Variants in QPRT observed in about 807,000 individuals in gnomAD.
The protein encoded by QPRT is quinolinate phosphoribosyltransferase, also known as nicotinate-nucleotide pyrophosphorylase [carboxylating].
In QPRT, 17 loss-of-function variants were observed where a neutral mutation model predicts 19.8. The observed-to-expected ratio is 0.86, with a 90% CI of 0.59 to 1.29. QPRT has a LOEUF of 1.29. Among genes scored for constraint, QPRT ranks in the 50% most tolerant of loss-of-function variants. QPRT has a pLI of 0.00. For synonymous variants in QPRT, 178 were observed against 191.0 expected (o/e 0.93, Z 0.56); for missense variants, 336 against 405.1 (o/e 0.83, Z 1.46).
At chr16:29,690,494 C>A (rs1485865878) in intron 1 of QPRT, among the ~76,000 whole-genome samples, 1 of 151,902 alleles carries the variant, frequency 6.6e-6, no homozygotes, top group African/African-American at 2.4e-5. Context: ...ATAAGTGATC[C>A]TTTTTCTTTG....
intron 1 of QPRT, among the ~76,000 whole-genome samples, chr16:29,688,230 C>T (rs1202160126): frequency 1.3e-5 from 2 of 151,980 alleles, no homozygotes; most frequent in Non-Finnish European, 2.9e-5. Context: ...TGGGGGTATT[C>T]TGACAAGACC....
chr16:29,681,571 G>A lies in QPRT; in HGVS notation c.13+2361G>A, dbSNP rs1002095962. Among the ~76,000 whole-genome samples the A allele has an allele frequency of 6.6e-5, 9 of 137,388 alleles. No individual in the cohort carries two copies. In the East Asian group the frequency reaches 8.6e-4, roughly 13 times the overall value. The allele number at this position is 137,388 out of a possible 152,430, so 90.1% of individuals were successfully genotyped here. On this transcript the variant is annotated intron_variant, in intron 1 of 3. Transcript: ENST00000395384. Reference sequence around the variant, plus strand: ...GAGTGCAGTGGCATGATCTTGGCTCGCTGCAACCTCTGCCTCCCGGGTTCA... The same window carrying A: ...GAGTGCAGTGGCATGATCTTGGCTCACTGCAACCTCTGCCTCCCGGGTTCA...
intron 1 of QPRT, among the ~76,000 whole-genome samples, chr16:29,687,832 TAA>T (rs34996194): frequency 0.016 from 2,427 of 147,602 alleles, 73 homozygotes; most frequent in African/African-American, 0.055. Context: ...CTGTCTCTAT[TAA>T]AAAAAAAAAA....
At position 29,697,102 on chromosome 16, in the gene QPRT, T is replaced by C. The variant is rs1967564716; in HGVS notation, c.656T>C (p.Val219Ala). The C allele has an allele frequency of 6.2e-7, 1 of 1,609,736 alleles. No individual in the cohort carries two copies. The highest frequency in any genetic ancestry group is 8.5e-7 in the Non-Finnish European group (1 of 1,177,544). Residue 219 changes from valine to alanine, a missense_variant, in exon 3 of 4, where the codon GTC becomes GCC. Coordinates refer to ENST00000395384, the MANE Select transcript of QPRT (RefSeq NM_014298.6). The surrounding 1 kb of genome is among the most constrained non-coding windows in gnomAD (Gnocchi z 4.4). Reference sequence around the variant, plus strand: ...GCAGCTGAGGCTGGTGCCGACCTTGTCCTGCTGGACAACTTCAAGCCAGAG... The same window carrying C: ...GCAGCTGAGGCTGGTGCCGACCTTGCCCTGCTGGACAACTTCAAGCCAGAG... ...VQAAEAGADL[V>A]LLDNFKPEEL...
rs532397856 is a variant in QPRT at position 29,690,238 on chromosome 16, C to T, written c.14-4426C>T. Among the ~76,000 whole-genome samples, 75 of 152,332 alleles carry T rather than the reference C, an allele frequency of 4.9e-4. 1 individual carries two copies. In the South Asian group the frequency reaches 0.015, roughly 30 times the overall value. On this transcript the variant is annotated intron_variant, in intron 1 of 3. Coordinates refer to ENST00000395384, the MANE Select transcript of QPRT (RefSeq NM_014298.6). The stretch of plus-strand genomic sequence containing the variant: ...TTTTTTGTGGCTGCATAGTATTCCA[C>T]GGTGTATGTGTACCACACTTTCTTT...
Position 29,697,531 on chromosome 16 carries a change from A to C in QPRT, c.*120A>C. ...CACATTTGGCACTAGCTTGAGCCCA[A>C]CTCTGGCTCTGCCACCTGCTGCTCC... On this transcript the variant is annotated 3_prime_UTR_variant, in exon 4 of 4. Coordinates refer to ENST00000395384, the MANE Select transcript of QPRT (RefSeq NM_014298.6). This position sits in a 1 kb window ranked among gnomAD's most constrained non-coding sequence, Gnocchi z 4.4. 1.9e-6 allele frequency: 2 copies of C among 1,047,210 alleles called. No homozygotes were observed. Among genetic ancestry groups the C allele is most frequent in the East Asian group, 2.7e-5 (1 of 37,704 alleles). 64.9% of individuals were successfully genotyped at this position (1,047,210 alleles called of 1,614,324 possible).
At chr16:29,689,488 G>C (rs1385263425) in intron 1 of QPRT, among the ~76,000 whole-genome samples, 1 of 152,088 alleles carries the variant, frequency 6.6e-6, no homozygotes, top group Admixed American at 6.6e-5. Flanking sequence ...TAGTCACCCA[G>C]GTATTAAGTT....
chr16:29,688,018 T>C (rs931401987), intron 1 of QPRT, among the ~76,000 whole-genome samples: 5 of 151,986 alleles, frequency 3.3e-5, no homozygotes, highest in Admixed American at 3.3e-4. Flanking sequence ...GAAAGGTCAG[T>C]TTTCAGCAGG....
chr16:29,683,888 C>T (rs1214591409), intron 1 of QPRT, among the ~76,000 whole-genome samples: 4 of 152,284 alleles, frequency 2.6e-5, no homozygotes, highest in East Asian at 1.9e-4. Flanking sequence ...CACCAACACC[C>T]CCACTTCCCT....
chr16:29,690,114 G>A (rs1967282404), intron 1 of QPRT, among the ~76,000 whole-genome samples: 1 of 151,314 alleles, frequency 6.6e-6, no homozygotes, highest in African/African-American at 2.5e-5. Context: ...ACTTATAAGT[G>A]AGAACACGCG....
At chr16:29,686,307 AG>A (rs1211892135) in intron 1 of QPRT, among the ~76,000 whole-genome samples, 2 of 152,098 alleles carry the variant, frequency 1.3e-5, no homozygotes, top group Non-Finnish European at 2.9e-5. Context: ...GCAGGTGAAC[AG>A]ATCAGTTTTC....
At chr16:29,684,536 A>G (rs931692097) in intron 1 of QPRT, among the ~76,000 whole-genome samples, 1 of 151,724 alleles carries the variant, frequency 6.6e-6, no homozygotes, top group Non-Finnish European at 1.5e-5. Flanking sequence ...TTTAGTAGAG[A>G]CGGGGTTTCA....
chr16:29,696,867 C>T (rs1567333516), intron 2 of QPRT, 129 bp from the exon 3 acceptor site: 1 of 1,112,914 alleles, frequency 9.0e-7, no homozygotes, highest in Non-Finnish European at 1.2e-6. Context: ...TTTCAAATGT[C>T]AGTCCCGGCT....
intron 1 of QPRT, among the ~76,000 whole-genome samples, chr16:29,691,871 G>C (rs889375529): frequency 1.3e-5 from 2 of 152,174 alleles, no homozygotes; most frequent in Non-Finnish European, 2.9e-5. Flanking sequence ...TGGCTCGGAG[G>C]GGAGGTGGGG....
chr16:29,683,872 G>A (rs1193820137), intron 1 of QPRT, among the ~76,000 whole-genome samples: 1 of 152,112 alleles, frequency 6.6e-6, no homozygotes, highest in Non-Finnish European at 1.5e-5. Context: ...TGAAAGGAGT[G>A]GTTCACACCA....
intron 1 of QPRT, among the ~76,000 whole-genome samples, chr16:29,683,927 A>G (rs1371311978): frequency 6.6e-6 from 1 of 152,068 alleles, no homozygotes; most frequent in African/African-American, 2.4e-5. Flanking sequence ...GAGCATGACA[A>G]TGTGGCTTCT....
Position 29,694,938 on chromosome 16 carries a change from C to T in QPRT, c.288C>T (p.Cys96=), listed in dbSNP as rs375362968. 1 of 1,612,584 alleles carries T rather than the reference C, an allele frequency of 6.2e-7. No homozygotes were observed. The highest frequency in any genetic ancestry group is 1.3e-5 in the African/African-American group (1 of 74,932). ...CCGAGGTCCGGGGCCCTGCCCACTG[C>T]CTGCTGCTGGGGGAACGGGTGGCCC... The part of the protein sequence containing the change: ...RVAEVRGPAH[C]LLLGERVALN... Residue 96 remains cysteine (C), a synonymous_variant, in exon 2 of 4, where the codon TGC becomes TGT. Transcript: ENST00000395384.
At chr16:29,679,484 A>G (rs1231263361) in intron 1 of QPRT, among the ~76,000 whole-genome samples, 1 of 151,708 alleles carries the variant, frequency 6.6e-6, no homozygotes, top group Non-Finnish European at 1.5e-5. Context: ...GGCCTGGAGG[A>G]GGTGGCGTCT....
chr16:29,688,181 GCAGT>G (rs1967217266), intron 1 of QPRT, among the ~76,000 whole-genome samples: 2 of 152,126 alleles, frequency 1.3e-5, no homozygotes, highest in Non-Finnish European at 2.9e-5. Context: ...AGAGTTGGGG[GCAGT>G]GGATGGGACA....
Sources: gnomAD v4.1 joint callset for allele counts (sites outside exome capture counted in the v4.1 genomes callset) on GRCh38, gnomAD v4.1.1 for gene constraint, Gnocchi (gnomAD v3.1) non-coding constraint, MANE v1.5 for transcripts, NCBI Gene and HGNC (gene_info 2026-07-23, HGNC 2026-07-21) for gene names.